Variants in AFG3L2 observed in about 807,000 individuals in gnomAD.
The protein encoded by AFG3L2 is mitochondrial inner membrane m-AAA protease component AFG3L2.
Under a neutral mutation model 94.5 loss-of-function variants are expected in AFG3L2, and 54 were observed. That is an observed-to-expected ratio of 0.57 (90% confidence interval 0.46 to 0.72). The LOEUF is 0.72. Ranked by LOEUF, AFG3L2 falls within the 30% of genes least tolerant of loss-of-function variation. AFG3L2 has a pLI of 0.00. For synonymous variants in AFG3L2, 377 were observed against 365.5 expected (o/e 1.03, Z -0.36); for missense variants, 754 against 994.9 (o/e 0.76, Z 3.26).
chr18:12,341,834 A>G (rs1439793376), intron 14 of AFG3L2: 1 of 152,186 alleles, frequency 6.6e-6, no homozygotes, highest in Non-Finnish European at 1.5e-5. Context: ...TTCCAAAACA[A>G]TGGTACCATT....
At position 12,358,931 on chromosome 18, in the gene AFG3L2, C is replaced by T. The variant is rs769383019; in HGVS notation, c.765G>A (p.Leu255=). 3 of 1,613,168 alleles carry T rather than the reference C, an allele frequency of 1.9e-6. No homozygotes were observed. The highest frequency in any genetic ancestry group is 2.5e-6 in the Non-Finnish European group (3 of 1,179,532). Residue 255 remains leucine, a synonymous_variant, in exon 8 of 17, where the codon CTG becomes CTA. Coordinates refer to ENST00000269143, the MANE Select transcript of AFG3L2 (RefSeq NM_006796.3). ...TGATGAGCACCGTAGGCAGCATGCT[C>T]AGCAGAAAAGAGCTGGGGACACACA... ...YIAESDGSFL[L]SMLPTVLIIA... is the part of the protein sequence containing the mutation.
intron 7 of AFG3L2, 94 bp from the exon 8 acceptor site, chr18:12,359,037 C>A: frequency 1.6e-5 from 24 of 1,508,688 alleles, no homozygotes; most frequent in Non-Finnish European, 2.2e-5. Flanking sequence ...TATATAGCTA[C>A]ACCAAGGTAT....
intron 12 of AFG3L2, among the ~76,000 whole-genome samples, chr18:12,349,714 T>A (rs1033300110): frequency 3.3e-5 from 5 of 152,124 alleles, no homozygotes; most frequent in Non-Finnish European, 5.9e-5. Flanking sequence ...CAGGCTGGAG[T>A]GCAATGGCGT....
At chr18:12,349,819 C>T (rs772442039) in intron 12 of AFG3L2, among the ~76,000 whole-genome samples, 20 of 151,744 alleles carry the variant, frequency 1.3e-4, no homozygotes, top group Admixed American at 2.6e-4. Context: ...CCCACCACCA[C>T]GCCCGGCAAT....
chr18:12,365,716 C>T (rs1568144967), intron 5 of AFG3L2, among the ~76,000 whole-genome samples: 1 of 152,118 alleles, frequency 6.6e-6, no homozygotes, highest in Admixed American at 6.6e-5. Context: ...ACCTTCAGAA[C>T]GAATTCAAAT....
chr18:12,363,786 T>A lies in AFG3L2; in HGVS notation c.623A>T (p.Asp208Val), dbSNP rs753001755. ...TCAATTAATAAAATGATTTACCCCA[T>A]CAACAGGAGTTTTTCCTGGTGTAAA... Reference protein sequence around the residue: ...VTFTPGKTPVDGQYVWFNIGS... With the variant: ...VTFTPGKTPVVGQYVWFNIGS... The change falls in exon 6 of 17, where the codon GAT becomes GTT. Residue 208 changes from aspartate to valine, a missense_variant. Asp to Val is a radical substitution (Grantham distance 152, BLOSUM62 -3). This residue lies in a region of AFG3L2 where 130 missense variants were observed against 175.1 expected (regional missense o/e 0.74). Transcript: ENST00000269143. The A allele has an allele frequency of 1.9e-5, 30 of 1,610,920 alleles. No homozygotes were observed. Among genetic ancestry groups the A allele is most frequent in the African/African-American group, 2.7e-5 (2 of 74,828 alleles).
Position 12,337,416 on chromosome 18 carries a change from TTCA to T in AFG3L2, c.2097_2099del (p.Asp699del), listed in dbSNP as rs762785469. Reference sequence around the variant, plus strand: ...AAGCATCATTAATAAGTATTCGTACTTCATCATCTATCAATCTTGCAGTGGCTT... The same window carrying T: ...AAGCATCATTAATAAGTATTCGTACTTCATCTATCAATCTTGCAGTGGCTT... On this transcript the variant is annotated inframe_deletion, in exon 16 of 17. Coordinates refer to ENST00000269143, the MANE Select transcript of AFG3L2 (RefSeq NM_006796.3). 1 of 1,614,108 alleles carries T rather than the reference TTCA, an allele frequency of 6.2e-7. No individual in the cohort carries two copies. Among genetic ancestry groups the T allele is most frequent in the Non-Finnish European group, 8.5e-7 (1 of 1,179,920 alleles).
intron 1 of AFG3L2, among the ~76,000 whole-genome samples, chr18:12,374,447 T>C (rs971453034): frequency 1.3e-5 from 2 of 152,148 alleles, no homozygotes; most frequent in African/African-American, 2.4e-5. Context: ...TCTTTAAGGG[T>C]AGCAGGAACA....
rs771527543 is a variant in AFG3L2 at position 12,329,646 on chromosome 18, T to G, written c.2313A>C (p.Ser771=). 1 of 1,614,176 alleles carries G rather than the reference T, an allele frequency of 6.2e-7. No individual in the cohort carries two copies. The highest frequency in any genetic ancestry group is 8.5e-7 in the Non-Finnish European group (1 of 1,180,040). ...TCCAGTCCTTAAGGCCTTCTGGAAG[T>G]GAGGTGTCCTCATCCAAGCTGCCAG... is the stretch of plus-strand genomic sequence containing the variant. The part of the protein sequence containing the change: ...EGTGSLDEDT[S]LPEGLKDWNK... The change falls in exon 17 of 17, where the codon TCA becomes TCC. Residue 771 remains serine (S), a synonymous_variant. Coordinates refer to ENST00000269143, the MANE Select transcript of AFG3L2 (RefSeq NM_006796.3).
chr18:12,329,887 G>C, intron 16 of AFG3L2, 104 bp from the exon 17 acceptor site: 1 of 1,026,134 alleles, frequency 9.7e-7, no homozygotes, highest in Non-Finnish European at 1.5e-6. Context: ...AAGGATTTAA[G>C]ACCAATGAAA....
At chr18:12,374,972 C>T (rs1909098525) in intron 1 of AFG3L2, among the ~76,000 whole-genome samples, 1 of 151,026 alleles carries the variant, frequency 6.6e-6, no homozygotes, top group Non-Finnish European at 1.5e-5. Context: ...AGGAGAATTG[C>T]TTGAACCCTG....
chr18:12,375,043 G>A (rs1204474449), intron 1 of AFG3L2, among the ~76,000 whole-genome samples: 4 of 141,590 alleles, frequency 2.8e-5, no homozygotes, highest in Admixed American at 7.2e-5. Context: ...GCGACAGAGC[G>A]AGACCCTGTC....
rs143282879 is a variant in AFG3L2, at chr18:12,336,466, C to T, written c.2175+875G>A. Among the ~76,000 whole-genome samples the T allele has an allele frequency of 2.9e-3, 442 of 152,318 alleles. 3 individuals carry two copies. Among genetic ancestry groups the T allele is most frequent in the East Asian group, 6.0e-3 (31 of 5,178 alleles). ...CCAACCAACCAGCCAGCATTCCTCA[C>T]TCCCTGGCCCTTACCTGCCAAACTA... On this transcript the variant is annotated intron_variant, in intron 16 of 16. Transcript: ENST00000269143.
intron 16 of AFG3L2, among the ~76,000 whole-genome samples, chr18:12,330,212 G>C (rs1907475643): frequency 6.6e-6 from 1 of 152,178 alleles, no homozygotes; most frequent in Non-Finnish European, 1.5e-5. Context: ...TGTAGTCCCA[G>C]CTACTTGGGA....
chr18:12,366,890 C>T, intron 5 of AFG3L2, 75 bp downstream of exon 5: 1 of 1,574,406 alleles, frequency 6.4e-7, no homozygotes, highest in Non-Finnish European at 8.7e-7. Context: ...AACCTGCTGA[C>T]TGTCACTTCT....
rs1248877790 is a variant in AFG3L2, at chr18:12,351,128, A to G, written c.1509T>C (p.Asp503=). 3.1e-6 allele frequency: 5 copies of G among 1,613,740 alleles called. No homozygotes were observed. The East Asian group carries it at 6.7e-5, about 22-fold the overall frequency. ...PLKLDSTLEK[D]KLARKLASLT... ...AAGATGCCAGTTTTCTTGCCAATTT[A>G]TCCTTCTCCAGGGTACTGTCCAGTT... The change falls in exon 12 of 17, where the codon GAT becomes GAC. Residue 503 remains aspartate (D), a synonymous_variant. Transcript: ENST00000269143.
chr18:12,366,468 C>T (rs922115323), intron 5 of AFG3L2, among the ~76,000 whole-genome samples: 3 of 152,220 alleles, frequency 2.0e-5, no homozygotes, highest in African/African-American at 4.8e-5. Flanking sequence ...CCACTTGGCC[C>T]TCCCTTAGAG....
In AFG3L2 at chr18:12,340,395, T is replaced by C; in HGVS notation, c.1786A>G (p.Ile596Val). 6.2e-7 allele frequency: 1 copy of C among 1,613,096 alleles called. No individual in the cohort carries two copies. The highest frequency in any genetic ancestry group is 8.5e-7 in the Non-Finnish European group (1 of 1,179,030). ...EHADPLLKVS[I>V]IPRGKGLGYA... ...CCTAGTCCTTTGCCACGTGGGATGA[T>C]GGATACCTGGTAAGTAGAAAACAGT... is the stretch of plus-strand genomic sequence containing the variant. The change falls in exon 15 of 17, where the codon ATC becomes GTC. Residue 596 changes from isoleucine to valine, a missense_variant. Physicochemically the swap from Ile to Val is conservative, Grantham distance 29. Transcript: ENST00000269143.
intron 12 of AFG3L2, among the ~76,000 whole-genome samples, chr18:12,350,464 A>G (rs1908279855): frequency 6.6e-6 from 1 of 152,200 alleles, no homozygotes; most frequent in South Asian, 2.1e-4. Flanking sequence ...ATATTTATAG[A>G]AAAAAATGAT....
Sources: gnomAD v4.1 joint callset for allele counts (sites outside exome capture counted in the v4.1 genomes callset) on GRCh38, gnomAD v4.1.1 for gene constraint, gnomAD v4.1.1 regional missense constraint, MANE v1.5 for transcripts, NCBI Gene and HGNC (gene_info 2026-07-23, HGNC 2026-07-21) for gene names.